Variants in NIPBL observed in about 807,000 individuals in gnomAD.
NIPBL encodes the protein NIPBL cohesin loading factor.
In NIPBL, 19 loss-of-function variants were observed where a neutral mutation model predicts 321.8. That is an observed-to-expected ratio of 0.06 (90% CI 0.04 to 0.09). NIPBL has a LOEUF of 0.09. Ranked by LOEUF, NIPBL falls within the 10% of genes least tolerant of loss-of-function variation. The probability of loss-of-function intolerance (pLI) is 1.00; values close to 1 mark genes in which losing one functional copy is unlikely to be tolerated. For missense variants in NIPBL, 2,210 were observed against 3,327.0 expected (o/e 0.66, Z 8.26); for synonymous variants, 1,106 against 1,114.1 (o/e 0.99, Z 0.14).
At chr5:36,943,369 T>C (rs1401246462) in intron 1 of NIPBL, among the ~76,000 whole-genome samples, 1 of 152,100 alleles carries the variant, frequency 6.6e-6, no homozygotes, top group African/African-American at 2.4e-5. Context: ...TAGTAAACAT[T>C]GCTGAGTGAA....
intron 8 of NIPBL, among the ~76,000 whole-genome samples, chr5:36,975,442 G>A (rs187305149): frequency 3.3e-5 from 5 of 152,184 alleles, no homozygotes; most frequent in Admixed American, 2.6e-4. Context: ...TATTTGTGTT[G>A]TATCATCTTT....
Position 37,033,505 on chromosome 5 carries a change from G to A in NIPBL, c.5863-2874G>A, listed in dbSNP as rs925202216. ...CAGAAGTGGCACTGCAGATGATGGA[G>A]AAAAGATAGACTGTTTAGTAAATGG... On this transcript the variant is annotated intron_variant, in intron 32 of 46. Coordinates refer to ENST00000282516, the MANE Select transcript of NIPBL (RefSeq NM_133433.4). 3.3e-5 allele frequency among the ~76,000 whole-genome samples: 5 copies of A among 150,522 alleles called. No individual in the cohort carries two copies. In the South Asian group the frequency reaches 1.0e-3, roughly 32 times the overall value.
intron 33 of NIPBL, among the ~76,000 whole-genome samples, chr5:37,037,469 A>C (rs1158712266): frequency 6.7e-6 from 1 of 149,118 alleles, no homozygotes; most frequent in African/African-American, 2.4e-5. Context: ...CCATTGCTTG[A>C]AGCGCACAAA....
intron 6 of NIPBL, among the ~76,000 whole-genome samples, chr5:36,962,575 T>C (rs568500489): frequency 2.2e-4 from 34 of 152,324 alleles, no homozygotes; most frequent in African/African-American, 3.6e-4. Context: ...AATTGCTCCT[T>C]CTTCTTACAT....
chr5:36,947,093 A>G (rs772831415), intron 1 of NIPBL, among the ~76,000 whole-genome samples: 12 of 152,124 alleles, frequency 7.9e-5, no homozygotes, highest in Non-Finnish European at 1.6e-4. Flanking sequence ...ATGATTAAGG[A>G]AAGGAATATA....
At chr5:36,963,559 T>A (rs993425106) in intron 6 of NIPBL, among the ~76,000 whole-genome samples, 1 of 151,430 alleles carries the variant, frequency 6.6e-6, no homozygotes, top group Admixed American at 6.6e-5. Flanking sequence ...CCCAGCACTG[T>A]AGGAGGCTGG....
intron 26 of NIPBL, 23 bp from the exon 27 acceptor site, chr5:37,020,752 T>C (rs1182794392): frequency 1.2e-6 from 2 of 1,610,068 alleles, no homozygotes; most frequent in Non-Finnish European, 1.7e-6. Flanking sequence ...GAAAAATAAA[T>C]TTTTAATGAC....
At chr5:36,957,806 A>G (rs1453947369) in intron 3 of NIPBL, among the ~76,000 whole-genome samples, 1 of 152,068 alleles carries the variant, frequency 6.6e-6, no homozygotes, top group Non-Finnish European at 1.5e-5. Context: ...AACATGGTGA[A>G]ACCCTGTCTC....
chr5:37,049,422 C>T lies in NIPBL; in HGVS notation c.6954+121C>T, dbSNP rs559905192. The T allele has an allele frequency of 2.1e-5, 23 of 1,095,264 alleles. No individual in the cohort carries two copies. In the African/African-American group the frequency reaches 2.9e-4, roughly 14 times the overall value. The allele number at this position is 1,095,264 out of a possible 1,614,324, so 67.8% of individuals were successfully genotyped here. On this transcript the variant is annotated intron_variant, in intron 40 of 46. Transcript: ENST00000282516. Reference sequence around the variant, plus strand: ...CTCTTACTCTTCTTTGTACTAAACTCTTAAGAATCTGGCAGTTTTAGATAA... The same window carrying T: ...CTCTTACTCTTCTTTGTACTAAACTTTTAAGAATCTGGCAGTTTTAGATAA...
intron 4 of NIPBL, 109 bp from the exon 5 acceptor site, chr5:36,961,375 T>G: frequency 1.3e-6 from 1 of 750,390 alleles, no homozygotes; most frequent in East Asian, 2.6e-5. Flanking sequence ...ATGAAAACAT[T>G]GATCAAAAAA....
At position 36,986,063 on chromosome 5, in the gene NIPBL, C is replaced by T; in HGVS notation, c.2883C>T (p.Ile961=). The change falls in exon 10 of 47, where the codon ATC becomes ATT. Residue 961 remains isoleucine (I), a synonymous_variant. Transcript: ENST00000282516. ...TGAAAAATTTTGTCATTCCGAAAAT[C>T]AAGAGGGATAAAGATGGCAATGTTA... ...GALKNFVIPK[I]KRDKDGNVTQ... 1 of 1,613,562 alleles carries T rather than the reference C, an allele frequency of 6.2e-7. No individual in the cohort carries two copies. Among genetic ancestry groups the T allele is most frequent in the East Asian group, 2.2e-5 (1 of 44,852 alleles).
chr5:36,897,042 A>T (rs1746801247), intron 1 of NIPBL, among the ~76,000 whole-genome samples: 1 of 149,054 alleles, frequency 6.7e-6, no homozygotes, highest in Admixed American at 6.7e-5. Flanking sequence ...TTGCACTGTC[A>T]CCCGGGCTGC....
intron 20 of NIPBL, 135 bp from the exon 21 acceptor site, chr5:37,009,952 C>G: frequency 1.4e-6 from 1 of 698,158 alleles, no homozygotes; most frequent in South Asian, 1.7e-5. Context: ...AATAATTACA[C>G]ATAAGAACAC....
At chr5:37,044,057 ATG>A (rs1561204804) in intron 34 of NIPBL, among the ~76,000 whole-genome samples, 1 of 152,234 alleles carries the variant, frequency 6.6e-6, no homozygotes, top group Non-Finnish European at 1.5e-5. Flanking sequence ...TGCTGTCAAT[ATG>A]TAAATACCTT....
At chr5:36,963,417 T>C (rs1019638898) in intron 6 of NIPBL, among the ~76,000 whole-genome samples, 1 of 152,170 alleles carries the variant, frequency 6.6e-6, no homozygotes, top group African/African-American at 2.4e-5. Context: ...AACAGCTAAC[T>C]CTGGTTTCCC....
intron 1 of NIPBL, among the ~76,000 whole-genome samples, chr5:36,918,795 G>A (rs1748685430): frequency 6.6e-6 from 1 of 152,050 alleles, no homozygotes; most frequent in Non-Finnish European, 1.5e-5. Flanking sequence ...TGTGGTTTTT[G>A]TCTTTGGTTC....
At chr5:37,005,004 T>A (rs1486709771) in intron 16 of NIPBL, among the ~76,000 whole-genome samples, 3 of 152,186 alleles carry the variant, frequency 2.0e-5, no homozygotes, top group Non-Finnish European at 4.4e-5. Context: ...CACTGGCCCG[T>A]GTGGCCCAGG....
At chr5:37,016,292 T>C (rs190327715) in intron 23 of NIPBL, 122 bp downstream of exon 23, 1 of 1,026,504 alleles carries the variant, frequency 9.7e-7, no homozygotes, top group Admixed American at 2.0e-5. Context: ...TTGCATCTCT[T>C]TTTGCATGTG....
At chr5:36,885,719 G>A (rs1561346804) in intron 1 of NIPBL, 2 of 589,986 alleles carry the variant, frequency 3.4e-6, no homozygotes, top group African/African-American at 1.8e-5. Context: ...GACAGAGCTG[G>A]CCATGTGCCA....
Sources: gnomAD v4.1 joint callset for allele counts (sites outside exome capture counted in the v4.1 genomes callset) on GRCh38, gnomAD v4.1.1 for gene constraint, MANE v1.5 for transcripts, NCBI Gene and HGNC (gene_info 2026-07-23, HGNC 2026-07-21) for gene names.